Variants in LSAMP observed in about 807,000 individuals in gnomAD.
LSAMP encodes limbic system-associated membrane protein.
LSAMP carries 7 observed loss-of-function variants against 38.6 expected under a neutral mutation model. That is an observed-to-expected ratio of 0.18 (90% confidence interval 0.10 to 0.34). LSAMP has a LOEUF of 0.34. Among genes scored for constraint, LSAMP ranks in the 10% least tolerant of loss-of-function variants. The pLI, the probability that LSAMP is intolerant of heterozygous loss-of-function variation, is 1.00. For synonymous variants in LSAMP, 154 were observed against 166.8 expected, an observed-to-expected ratio of 0.92 and a Z score of 0.59; for missense variants, 313 against 420.0, an observed-to-expected ratio of 0.75 and a Z score of 2.23.
At position 116,017,011 on chromosome 3, in the gene LSAMP, T is replaced by G. The variant is rs149513684; in HGVS notation, c.514+2504A>C. On this transcript the variant is annotated intron_variant, in intron 3 of 6. Coordinates refer to ENST00000490035, the MANE Select transcript of LSAMP (RefSeq NM_002338.5). ...CTCTGAGTTTATGTAAATACAGCCTTTATTCTTGAAGACATGGCTTGTCCT... is the reference window on the plus strand; with the variant it reads ...CTCTGAGTTTATGTAAATACAGCCTGTATTCTTGAAGACATGGCTTGTCCT... Among the ~76,000 whole-genome samples, 315 of 152,236 alleles carry G rather than the reference T, an allele frequency of 2.1e-3. 1 individual carries two copies. Among genetic ancestry groups the G allele is most frequent in the African/African-American group, 7.5e-3 (310 of 41,550 alleles).
chr3:116,101,835 G>GAAC (rs1183980847), intron 1 of LSAMP, among the ~76,000 whole-genome samples: 2 of 152,066 alleles, frequency 1.3e-5, no homozygotes, highest in Non-Finnish European at 2.9e-5. Flanking sequence ...ACTTAAATAT[G>GAAC]AACATTTGTA....
chr3:116,199,498 G>A (rs2045961615), intron 1 of LSAMP, among the ~76,000 whole-genome samples: 1 of 152,116 alleles, frequency 6.6e-6, no homozygotes, highest in Non-Finnish European at 1.5e-5. Context: ...CAATTTTGTG[G>A]TCCCAGAACA....
rs569056297 is a variant in LSAMP, at chr3:115,932,912, C to T, written c.515-80295G>A. Among the ~76,000 whole-genome samples, 122 of 152,244 alleles carry T rather than the reference C, an allele frequency of 8.0e-4. 1 individual carries two copies. Among genetic ancestry groups the T allele is most frequent in the African/African-American group, 2.8e-3 (116 of 41,558 alleles). On this transcript the variant is annotated intron_variant, in intron 3 of 6. Coordinates refer to ENST00000490035, the MANE Select transcript of LSAMP (RefSeq NM_002338.5). ...GAATGCACTGTCAGAAACATCTCTT[C>T]CTGCTGAACAGTGGGTACGCAGTGG... is the stretch of plus-strand genomic sequence containing the variant.
At chr3:115,868,218 T>C (rs540595176) in intron 3 of LSAMP, among the ~76,000 whole-genome samples, 1 of 152,238 alleles carries the variant, frequency 6.6e-6, no homozygotes, top group South Asian at 2.1e-4. Flanking sequence ...CTGTGGGCCA[T>C]TGGCATGGGA....
At chr3:116,165,076 T>C (rs1002247108) in intron 1 of LSAMP, among the ~76,000 whole-genome samples, 1 of 152,212 alleles carries the variant, frequency 6.6e-6, no homozygotes, top group Non-Finnish European at 1.5e-5. Context: ...AATCATGCAA[T>C]GCTTCATCCA....
In LSAMP at chr3:115,810,185, T is replaced by C; in HGVS notation, c.*132A>G. 1.6e-6 allele frequency: 1 copy of C among 625,024 alleles called. No individual in the cohort carries two copies. The highest frequency in any genetic ancestry group is 2.8e-6 in the Non-Finnish European group (1 of 358,614). 38.7% of individuals were successfully genotyped at this position (625,024 alleles called of 1,614,324 possible). On this transcript the variant is annotated 3_prime_UTR_variant, in exon 7 of 7. Transcript: ENST00000490035. ...ACTTTCTTATTTCCCCCTTCATGTA[T>C]AAACACACAAAGTTGTGAAATAAAC... is the stretch of plus-strand genomic sequence containing the variant.
At chr3:115,887,257 TA>T (rs1442501863) in intron 3 of LSAMP, among the ~76,000 whole-genome samples, 1 of 151,902 alleles carries the variant, frequency 6.6e-6, no homozygotes, top group Non-Finnish European at 1.5e-5. Context: ...GGTGACTATG[TA>T]AGAGCAACTT....
intron 1 of LSAMP, among the ~76,000 whole-genome samples, chr3:116,375,027 T>A (rs2048476983): frequency 6.6e-6 from 1 of 151,956 alleles, no homozygotes; most frequent in South Asian, 2.1e-4. Flanking sequence ...TGATTCCCTT[T>A]AATAAATAAG....
intron 2 of LSAMP, among the ~76,000 whole-genome samples, chr3:116,020,979 G>A (rs763141942): frequency 1.1e-4 from 16 of 152,142 alleles, no homozygotes; most frequent in Non-Finnish European, 2.2e-4. Flanking sequence ...GCACCTGACA[G>A]CCAAACGATC....
chr3:116,424,906 T>C (rs2049174611), intron 1 of LSAMP, among the ~76,000 whole-genome samples: 1 of 152,014 alleles, frequency 6.6e-6, no homozygotes, highest in African/African-American at 2.4e-5. Context: ...GATTAAATAC[T>C]GTAAATCACA....
chr3:115,852,655 C>T (rs758436580), intron 3 of LSAMP, 38 bp from the exon 4 acceptor site: 66 of 1,578,318 alleles, frequency 4.2e-5, no homozygotes, highest in Non-Finnish European at 5.7e-5. Flanking sequence ...TTTTTAAAGT[C>T]TGAAATAGGC....
intron 1 of LSAMP, among the ~76,000 whole-genome samples, chr3:116,207,867 C>G (rs1253274474): frequency 6.6e-6 from 1 of 151,908 alleles, no homozygotes; most frequent in Admixed American, 6.6e-5. Flanking sequence ...GTGAATCTGA[C>G]AATTATGTGT....
At chr3:115,903,058 T>G (rs1376315806) in intron 3 of LSAMP, among the ~76,000 whole-genome samples, 1 of 152,172 alleles carries the variant, frequency 6.6e-6, no homozygotes, top group African/African-American at 2.4e-5. Context: ...GCAGCACTAT[T>G]GACAATAGCA....
At position 115,864,065 on chromosome 3, in the gene LSAMP, C is replaced by T. The variant is rs541570829; in HGVS notation, c.515-11448G>A. ...TACCTCCTGTACTGTTCAACTGTGG[C>T]TATTAAAGAATTGTAACCACAGGTC... On this transcript the variant is annotated intron_variant, in intron 3 of 6. Coordinates refer to ENST00000490035, the MANE Select transcript of LSAMP (RefSeq NM_002338.5). 2.0e-5 allele frequency among the ~76,000 whole-genome samples: 3 copies of T among 152,262 alleles called. No individual in the cohort carries two copies. In the South Asian group the frequency reaches 6.2e-4, roughly 32 times the overall value.
intron 4 of LSAMP, among the ~76,000 whole-genome samples, chr3:115,849,762 G>A (rs931411972): frequency 1.3e-5 from 2 of 152,064 alleles, no homozygotes; most frequent in Non-Finnish European, 2.9e-5. Context: ...TATTTAAGTT[G>A]GATTAATTGT....
Position 115,805,590 on chromosome 3 carries a change from T to C in LSAMP, c.*4727A>G, listed in dbSNP as rs1403296345. The C allele has an allele frequency of 6.6e-6, 1 of 152,190 alleles. No homozygotes were observed. The allele number at this position is 152,190 out of a possible 1,614,324, so 9.4% of individuals were successfully genotyped here. A position where few individuals can be genotyped will look rare whatever the true frequency, so the allele number is the denominator to read the frequency against. ...AAGGTTTAAAATAAGTTTTCCATAA[T>C]ATTCATAAACATTTTCGCTGGTGTA... On this transcript the variant is annotated 3_prime_UTR_variant, in exon 7 of 7. Coordinates refer to ENST00000490035, the MANE Select transcript of LSAMP (RefSeq NM_002338.5).
chr3:116,138,530 GTC>G (rs1709301003), intron 1 of LSAMP, among the ~76,000 whole-genome samples: 1 of 152,030 alleles, frequency 6.6e-6, no homozygotes, highest in African/African-American at 2.4e-5. Context: ...TGCGGACAGT[GTC>G]TCTTTTAGGG....
At chr3:115,938,401 C>T (rs1038679062) in intron 3 of LSAMP, among the ~76,000 whole-genome samples, 3 of 152,002 alleles carry the variant, frequency 2.0e-5, no homozygotes, top group Non-Finnish European at 4.4e-5. Flanking sequence ...ATTTAGTTTC[C>T]CCATTACATT....
intron 1 of LSAMP, among the ~76,000 whole-genome samples, chr3:116,416,467 A>T (rs2049052205): frequency 6.6e-6 from 1 of 152,228 alleles, no homozygotes; most frequent in Non-Finnish European, 1.5e-5. Context: ...GGGGATAAAA[A>T]GAACAATGGA....
Sources: gnomAD v4.1 joint callset for allele counts (sites outside exome capture counted in the v4.1 genomes callset) on GRCh38, gnomAD v4.1.1 for gene constraint, MANE v1.5 for transcripts, NCBI Gene and HGNC (gene_info 2026-07-23, HGNC 2026-07-21) for gene names.